The following RDH16 variants were observed in gnomAD, a reference collection of about 807,000 sequenced individuals.
RDH16 encodes the protein retinol dehydrogenase 16.
In RDH16, 25 loss-of-function variants were observed where a neutral mutation model predicts 22.3. That is an observed-to-expected ratio of 1.12 (90% CI 0.82 to 1.56). RDH16 has a LOEUF of 1.56. Among genes scored for constraint, RDH16 ranks in the 40% most tolerant of loss-of-function variants. The pLI is 0.00. For synonymous variants in RDH16, 154 were observed against 164.4 expected (o/e 0.94, Z 0.48); for missense variants, 413 against 394.9 (o/e 1.05, Z -0.39).
chr12:56,954,318 G>C (rs903734790), intron 2 of RDH16, among the ~76,000 whole-genome samples: 12 of 152,154 alleles, frequency 7.9e-5, no homozygotes, highest in African/African-American at 2.9e-4. Flanking sequence ...GCAAGAGAGG[G>C]GTGTTAGCAA....
chr12:56,951,675 A>C lies in RDH16; in HGVS notation c.*354T>G, dbSNP rs934387931. On this transcript the variant is annotated 3_prime_UTR_variant, in exon 4 of 4. Coordinates refer to ENST00000398138, the MANE Select transcript of RDH16 (RefSeq NM_003708.5). ...TTAACACACAGCCTGATAAGGAAGCAGGAGGTAATGGCATGGGCTGAGGCT... is the reference window on the plus strand; with the variant it reads ...TTAACACACAGCCTGATAAGGAAGCCGGAGGTAATGGCATGGGCTGAGGCT... The C allele has an allele frequency of 7.1e-5, 21 of 295,448 alleles. No individual in the cohort carries two copies. The highest frequency in any genetic ancestry group is 1.1e-3 in the Middle Eastern group (1 of 914). The allele number at this position is 295,448 out of a possible 1,614,324, so 18.3% of individuals were successfully genotyped here. A position where few individuals can be genotyped will look rare whatever the true frequency, so the allele number is the denominator to read the frequency against.
chr12:56,952,210 G>A lies in RDH16; in HGVS notation c.773C>T (p.Thr258Ile). 6.2e-7 allele frequency: 1 copy of A among 1,614,126 alleles called. No homozygotes were observed. Among genetic ancestry groups the A allele is most frequent in the East Asian group, 2.2e-5 (1 of 44,886 alleles). The change falls in exon 4 of 4, where the codon ACA (threonine) becomes ATA (isoleucine). Residue 258 changes from threonine (T) to isoleucine (I), a missense_variant. Coordinates refer to ENST00000398138, the MANE Select transcript of RDH16 (RefSeq NM_003708.5). ...KSAEQMEQKC[T>I]QDLSLVTNCM... ...GTTGGTCACCAACGACAGATCCTGTGTGCACTTCTGCTCCATTTGTTCAGC... is the reference window on the plus strand; with the variant it reads ...GTTGGTCACCAACGACAGATCCTGTATGCACTTCTGCTCCATTTGTTCAGC...
Position 56,952,063 on chromosome 12 carries a change from T to C in RDH16, c.920A>G (p.Tyr307Cys). The change falls in exon 4 of 4, where the codon TAC becomes TGC. Residue 307 changes from tyrosine (Y) to cysteine (C), a missense_variant. Physicochemically the swap from Tyr to Cys is radical, Grantham distance 194. Coordinates refer to ENST00000398138, the MANE Select transcript of RDH16 (RefSeq NM_003708.5). ...MPTFLVDAIM[Y>C]WVSPSPAKAL is the part of the protein sequence containing the mutation. ...CTTGGCCGGGCTTGGAGAGACCCAGTACATAATGGCATCCACCAGGAAGGT... is the reference window on the plus strand; with the variant it reads ...CTTGGCCGGGCTTGGAGAGACCCAGCACATAATGGCATCCACCAGGAAGGT... 6.2e-7 allele frequency: 1 copy of C among 1,614,084 alleles called. No individual in the cohort carries two copies. Among genetic ancestry groups the C allele is most frequent in the Non-Finnish European group, 8.5e-7 (1 of 1,180,010 alleles).
chr12:56,954,377 C>G lies in RDH16; in HGVS notation c.572+529G>C, dbSNP rs1029748030. Among the ~76,000 whole-genome samples, 3 of 152,142 alleles carry G rather than the reference C, an allele frequency of 2.0e-5. No individual in the cohort carries two copies. The South Asian group carries it at 6.2e-4, about 32-fold the overall frequency. ...TGGGAGAGCCTCCCTGGCTAGGGGACCAACACACACTGCTGTAGCTGATCT... is the reference window on the plus strand; with the variant it reads ...TGGGAGAGCCTCCCTGGCTAGGGGAGCAACACACACTGCTGTAGCTGATCT... On this transcript the variant is annotated intron_variant, in intron 2 of 3. Transcript: ENST00000398138.
At position 56,957,225 on chromosome 12, in the gene RDH16, C is replaced by G. The variant is rs1285722905; in HGVS notation, c.238G>C (p.Val80Leu). 1 of 1,614,156 alleles carries G rather than the reference C, an allele frequency of 6.2e-7. No homozygotes were observed. Among genetic ancestry groups the G allele is most frequent in the Non-Finnish European group, 8.5e-7 (1 of 1,180,026 alleles). ...RGQTSDRLET[V>L]TLDVTKTESV... ...TCTGTCTTGGTAACATCCAGGGTCA[C>G]CGTCTCCAGCCTGTCTGAAGTCTGG... The change falls in exon 1 of 4, where the codon GTG becomes CTG. Residue 80 changes from valine (V) to leucine (L), a missense_variant. Physicochemically the swap from Val to Leu is conservative, Grantham distance 32. Transcript: ENST00000398138.
rs759231596 is a variant in RDH16, at chr12:56,952,089, G to A, written c.894C>T (p.Pro298=). ...ACATAATGGCATCCACCAGGAAGGT[G>A]GGCATGTAGCTCATGGGGAGGTAGA... The part of the protein sequence containing the change: ...KLLYLPMSYM[P]TFLVDAIMYW... The change falls in exon 4 of 4, where the codon CCC becomes CCT. Residue 298 remains proline, a synonymous_variant. Transcript: ENST00000398138. 3 of 1,614,166 alleles carry A rather than the reference G, an allele frequency of 1.9e-6. No homozygotes were observed. Among genetic ancestry groups the A allele is most frequent in the Middle Eastern group, 3.3e-4 (2 of 6,062 alleles).
chr12:56,955,705 A>G (rs774437229), intron 1 of RDH16, among the ~76,000 whole-genome samples: 2 of 152,142 alleles, frequency 1.3e-5, no homozygotes, highest in Non-Finnish European at 2.9e-5. Context: ...CTGTTTCCCA[A>G]GTGTTTGAAC....
chr12:56,954,910 G>A lies in RDH16; in HGVS notation c.568C>T (p.Leu190Phe), dbSNP rs1223909817. The change falls in exon 2 of 4, where the codon CTC becomes TTC. Residue 190 changes from leucine (L) to phenylalanine (F), a missense_variant. Physicochemically the swap from Leu to Phe is conservative, Grantham distance 22. Transcript: ENST00000398138. ...KYGVEAFSDSLRRELSYFGVK... is the reference protein window; with the variant it reads ...KYGVEAFSDSFRRELSYFGVK... ...GGCCCCATCCCAGACCCATACCTGA[G>A]GGAGTCAGAGAAGGCTTCCACGCCA... is the stretch of plus-strand genomic sequence containing the variant. 3.7e-6 allele frequency: 6 copies of A among 1,614,006 alleles called. No homozygotes were observed. Among genetic ancestry groups the A allele is most frequent in the Admixed American group, 3.3e-5 (2 of 60,008 alleles).
Position 56,952,872 on chromosome 12 carries a change from T to A in RDH16, c.691A>T (p.Ser231Cys), listed in dbSNP as rs576974173. Residue 231 changes from serine to cysteine, a missense_variant, in exon 3 of 4, where the codon AGT (serine) becomes TGT (cysteine). Transcript: ENST00000398138. ...KSFLEIWDRSSPEVKEAYGEK... is the reference protein window; with the variant it reads ...KSFLEIWDRSCPEVKEAYGEK... ...CCATAGGCCTCCTTGACCTCTGGAC[T>A]GGACCGGTCCCAAATCTCCAGGAAG... The A allele has an allele frequency of 4.8e-5, 78 of 1,614,142 alleles. 1 individual carries two copies. The South Asian group carries it at 8.2e-4, about 17-fold the overall frequency.
chr12:56,953,421 A>T (rs1375744122), intron 2 of RDH16, among the ~76,000 whole-genome samples: 3 of 152,164 alleles, frequency 2.0e-5, no homozygotes, highest in African/African-American at 7.2e-5. Flanking sequence ...CTGGCTCCCC[A>T]CACTTACAAC....
intron 1 of RDH16, 127 bp from the exon 2 acceptor site, chr12:56,955,291 T>G: frequency 8.9e-7 from 1 of 1,127,632 alleles, no homozygotes; most frequent in Non-Finnish European, 1.3e-6. Context: ...GAGGAGGGTA[T>G]AACAAACACC....
At chr12:56,954,217 G>A (rs1391617359) in intron 2 of RDH16, among the ~76,000 whole-genome samples, 1 of 152,202 alleles carries the variant, frequency 6.6e-6, no homozygotes, top group Non-Finnish European at 1.5e-5. Context: ...GCGTCTGCAT[G>A]AGCTTGTGTG....
At chr12:56,954,826 T>C in intron 2 of RDH16, 80 bp downstream of exon 2, 1 of 1,482,710 alleles carries the variant, frequency 6.7e-7, no homozygotes, top group Non-Finnish European at 9.3e-7. Context: ...CAGGCTGGGA[T>C]TCAAGGAACT....
chr12:56,955,758 T>C (rs941391573), intron 1 of RDH16, among the ~76,000 whole-genome samples: 1 of 152,112 alleles, frequency 6.6e-6, no homozygotes, highest in African/African-American at 2.4e-5. Flanking sequence ...GTAACATTTT[T>C]ATAGAAAGCA....
chr12:56,954,862 A>T, intron 2 of RDH16, 44 bp downstream of exon 2: 1 of 1,606,112 alleles, frequency 6.2e-7, no homozygotes, highest in Non-Finnish European at 8.5e-7. Flanking sequence ...CCCCACAAGG[A>T]CAGGAGCAGG....
In RDH16 at chr12:56,957,446, G is replaced by A. The variant is rs201598560; in HGVS notation, c.17C>T (p.Ala6Val). 1,568 of 1,610,942 alleles carry A rather than the reference G, an allele frequency of 9.7e-4. 3 individuals are homozygous for A. The highest frequency in any genetic ancestry group is 1.3e-3 in the Non-Finnish European group (1,477 of 1,177,876). The change falls in exon 1 of 4, where the codon GCG becomes GTG. Residue 6 changes from alanine (A) to valine (V), a missense_variant. By Grantham distance (64) the Ala-to-Val change is moderately conservative. Coordinates refer to ENST00000398138, the MANE Select transcript of RDH16 (RefSeq NM_003708.5). Reference protein sequence around the residue: MWLYLAVFVGLYYLLH... With the variant: MWLYLVVFVGLYYLLH... ...AAGGTAGTACAGGCCCACGAAAACCGCCAGGTAGAGCCACATGGCTTTGCA... is the reference window on the plus strand; with the variant it reads ...AAGGTAGTACAGGCCCACGAAAACCACCAGGTAGAGCCACATGGCTTTGCA...
rs1481219502 is a variant in RDH16 at position 56,951,698 on chromosome 12, G to A, written c.*331C>T. The A allele has an allele frequency of 5.8e-6, 2 of 345,176 alleles. No homozygotes were observed. Among genetic ancestry groups the A allele is most frequent in the Non-Finnish European group, 1.1e-5 (2 of 182,378 alleles). 21.4% of individuals were successfully genotyped at this position (345,176 alleles called of 1,614,324 possible). A position where few individuals can be genotyped will look rare whatever the true frequency, so the allele number is the denominator to read the frequency against. On this transcript the variant is annotated 3_prime_UTR_variant, in exon 4 of 4. Transcript: ENST00000398138. ...GCAGGAGGTAATGGCATGGGCTGAG[G>A]CTCCTTCCACCTGCTCACACCCACC...
At position 56,955,977 on chromosome 12, in the gene RDH16, C is replaced by T. The variant is rs76884843; in HGVS notation, c.314-813G>A. 9.4e-3 allele frequency among the ~76,000 whole-genome samples: 1,433 copies of T among 152,232 alleles called. 13 individuals carry two copies. Among genetic ancestry groups the T allele is most frequent in the Non-Finnish European group, 0.016 (1,117 of 68,016 alleles). ...TGCAAATACACAATCCCCAGGACTT[C>T]AAGTCAATAGAGTTTTCAACCCACA... On this transcript the variant is annotated intron_variant, in intron 1 of 3. Transcript: ENST00000398138.
At position 56,952,155 on chromosome 12, in the gene RDH16, GTGGCAGGCAA is replaced by G. The variant is rs781479253; in HGVS notation, c.818_827del (p.Ile273ThrfsTer19). ...AGCCAGCTGAGTAGCGAGTACGGGGGTGGCAGGCAATCAGCGCATGCTCCATGCAGTTGGT... is the reference window on the plus strand; with the variant it reads ...AGCCAGCTGAGTAGCGAGTACGGGGGTCAGCGCATGCTCCATGCAGTTGGT... On this transcript the variant is annotated frameshift_variant, in exon 4 of 4. Transcript: ENST00000398138. LOFTEE classifies it low-confidence loss of function (END_TRUNC). 6.2e-7 allele frequency: 1 copy of G among 1,614,206 alleles called. No homozygotes were observed. Among genetic ancestry groups the G allele is most frequent in the South Asian group, 1.1e-5 (1 of 91,072 alleles).
Sources: allele counts gnomAD v4.1 joint callset (sites outside exome capture counted in the v4.1 genomes callset), GRCh38; gene constraint gnomAD v4.1.1; transcripts MANE v1.5; gene names NCBI Gene and HGNC (gene_info 2026-07-23, HGNC 2026-07-21).